The following NDFIP2 variants were observed in gnomAD, a reference collection of about 807,000 sequenced individuals.
NDFIP2 encodes the protein Nedd4 family interacting protein 2.
Under a neutral mutation model 36.0 loss-of-function variants are expected in NDFIP2, and 19 were observed. That is an observed-to-expected ratio of 0.53 (90% CI 0.37 to 0.77). The LOEUF is 0.77. NDFIP2 is among the 30% of genes least tolerant of loss of function. The pLI is 0.00. For missense variants in NDFIP2, 446 were observed against 435.8 expected (o/e 1.02, Z -0.21); for synonymous variants, 181 against 167.7 (o/e 1.08, Z -0.61).
At chr13:79,528,575 C>T (rs1287434909) in intron 2 of NDFIP2, among the ~76,000 whole-genome samples, 2 of 152,198 alleles carry the variant, frequency 1.3e-5, no homozygotes, top group Non-Finnish European at 2.9e-5. Flanking sequence ...CCCAGAGCAA[C>T]TTCCAGTCTT....
At chr13:79,506,251 AAC>A (rs1873863745) in intron 1 of NDFIP2, among the ~76,000 whole-genome samples, 1 of 152,148 alleles carries the variant, frequency 6.6e-6, no homozygotes, top group Non-Finnish European at 1.5e-5. Context: ...TTCGTCTATT[AAC>A]AGTCATTTAA....
intron 5 of NDFIP2, among the ~76,000 whole-genome samples, chr13:79,545,631 C>T (rs59331936): frequency 0.044 from 6,768 of 152,228 alleles, 524 homozygotes; most frequent in African/African-American, 0.16. Context: ...TTACAAGCAA[C>T]GAATTTTCAA....
intron 2 of NDFIP2, among the ~76,000 whole-genome samples, chr13:79,531,482 G>C (rs1875013830): frequency 1.3e-5 from 2 of 152,194 alleles, no homozygotes. Context: ...GCATCTTCCA[G>C]TAGAAAGCTG....
intron 1 of NDFIP2, among the ~76,000 whole-genome samples, chr13:79,494,543 G>A (rs986330018): frequency 2.6e-5 from 4 of 151,880 alleles, no homozygotes; most frequent in African/African-American, 9.7e-5. Flanking sequence ...CATTGGATTA[G>A]TTCCTTTTTT....
chr13:79,542,705 A>G (rs1200301083), intron 4 of NDFIP2, among the ~76,000 whole-genome samples: 1 of 152,142 alleles, frequency 6.6e-6, no homozygotes, highest in African/African-American at 2.4e-5. Context: ...CTTGGAAAAC[A>G]AAACATTGAT....
At chr13:79,550,900 T>G (rs888050816) in intron 6 of NDFIP2, 117 bp from the exon 7 acceptor site, 12 of 562,152 alleles carry the variant, frequency 2.1e-5, no homozygotes, top group Non-Finnish European at 3.8e-5. Flanking sequence ...TGAATGGAAG[T>G]CTGCAAGTAA....
At chr13:79,527,106 A>G (rs1161930291) in intron 2 of NDFIP2, among the ~76,000 whole-genome samples, 5 of 152,226 alleles carry the variant, frequency 3.3e-5, no homozygotes, top group Non-Finnish European at 7.4e-5. Flanking sequence ...AACCTAGCAT[A>G]TAATGGGTTA....
chr13:79,518,347 A>G (rs1874431550), intron 1 of NDFIP2, among the ~76,000 whole-genome samples: 1 of 152,238 alleles, frequency 6.6e-6, no homozygotes, highest in Admixed American at 6.5e-5. Context: ...TTGTGGAAAG[A>G]GTGGTCTTAG....
chr13:79,530,479 G>GT (rs1335662835), intron 2 of NDFIP2, among the ~76,000 whole-genome samples: 1 of 152,130 alleles, frequency 6.6e-6, no homozygotes, highest in Non-Finnish European at 1.5e-5. Context: ...TTGACTCTTT[G>GT]TTTTACAAAA....
intron 1 of NDFIP2, among the ~76,000 whole-genome samples, chr13:79,485,979 C>G (rs1594837651): frequency 6.6e-6 from 1 of 152,278 alleles, no homozygotes; most frequent in South Asian, 2.1e-4. Context: ...AATCCAAAAA[C>G]CCGAAATCTA....
chr13:79,487,116 A>G (rs1221649838), intron 1 of NDFIP2, among the ~76,000 whole-genome samples: 1 of 152,198 alleles, frequency 6.6e-6, no homozygotes, highest in East Asian at 1.9e-4. Context: ...AGTTTGTACC[A>G]CTGCCCTTTA....
chr13:79,481,506 G>T lies in NDFIP2; in HGVS notation c.303G>T (p.Gly101=). Residue 101 remains glycine, a synonymous_variant, in exon 1 of 8, where the codon GGG becomes GGT. Coordinates refer to ENST00000218652, the MANE Select transcript of NDFIP2 (RefSeq NM_019080.3). Reference sequence around the variant, plus strand: ...GCAGGATGGATCACCACCAGCCGGGGACTGGGCGCTACCAGGTGGTGAGTT... The same window carrying T: ...GCAGGATGGATCACCACCAGCCGGGTACTGGGCGCTACCAGGTGGTGAGTT... ...EPGRMDHHQP[G]TGRYQVLLNE... 6.4e-7 allele frequency: 1 copy of T among 1,553,264 alleles called. No individual in the cohort carries two copies. Among genetic ancestry groups the T allele is most frequent in the Non-Finnish European group, 8.7e-7 (1 of 1,148,198 alleles).
chr13:79,482,922 GT>G (rs1236079261), intron 1 of NDFIP2, among the ~76,000 whole-genome samples: 41 of 152,226 alleles, frequency 2.7e-4, no homozygotes, highest in African/African-American at 9.1e-4. Flanking sequence ...GCATTTCTAG[GT>G]TTGTAAATGT....
chr13:79,516,520 A>G (rs769568556), intron 1 of NDFIP2, among the ~76,000 whole-genome samples: 3 of 152,116 alleles, frequency 2.0e-5, no homozygotes, highest in African/African-American at 4.8e-5. Flanking sequence ...CACTCAGCCA[A>G]GTTTTTTATT....
rs939510642 is a variant in NDFIP2 at position 79,539,049 on chromosome 13, A to G, written c.622-633A>G. Among the ~76,000 whole-genome samples the G allele has an allele frequency of 6.2e-5, 9 of 144,938 alleles. No individual in the cohort carries two copies. In the South Asian group the frequency reaches 9.3e-4, roughly 15 times the overall value. ...AGCTTTTCCAGAAAAAAGGCCACCA[A>G]TGCCTCTACCTGGAAGACATGTAGA... On this transcript the variant is annotated intron_variant, in intron 3 of 7. Coordinates refer to ENST00000218652, the MANE Select transcript of NDFIP2 (RefSeq NM_019080.3).
intron 1 of NDFIP2, among the ~76,000 whole-genome samples, chr13:79,514,543 A>G (rs1594848804): frequency 6.6e-6 from 1 of 152,318 alleles, no homozygotes; most frequent in African/African-American, 2.4e-5. Flanking sequence ...AAAGAGTTCT[A>G]ATCTACATTT....
intron 1 of NDFIP2, among the ~76,000 whole-genome samples, chr13:79,487,702 C>G (rs113819914): frequency 6.6e-6 from 1 of 152,146 alleles, no homozygotes; most frequent in Admixed American, 6.5e-5. Flanking sequence ...TGCAAACATT[C>G]TGCTGCTGTC....
At chr13:79,522,131 T>C (rs1874611018) in intron 2 of NDFIP2, among the ~76,000 whole-genome samples, 1 of 152,204 alleles carries the variant, frequency 6.6e-6, no homozygotes, top group Non-Finnish European at 1.5e-5. Context: ...CCTGGCCTAC[T>C]CCTTTTATTT....
intron 1 of NDFIP2, among the ~76,000 whole-genome samples, chr13:79,482,863 G>T (rs915904596): frequency 2.0e-5 from 3 of 152,128 alleles, no homozygotes; most frequent in African/African-American, 4.8e-5. Context: ...TCCCAGTATG[G>T]AAAGCGTTTT....
Sources: allele counts gnomAD v4.1 joint callset (sites outside exome capture counted in the v4.1 genomes callset), GRCh38; gene constraint gnomAD v4.1.1; transcripts MANE v1.5; gene names NCBI Gene and HGNC (gene_info 2026-07-23, HGNC 2026-07-21).